ABI1: variants seen among roughly 807,000 people sequenced by gnomAD.
ABI1 encodes the protein abl interactor 1.
Under a neutral mutation model 54.6 loss-of-function variants are expected in ABI1, and 14 were observed. The ratio of observed to expected loss-of-function variants is 0.26; its 90% confidence interval spans 0.17 to 0.40. The LOEUF (loss-of-function observed/expected upper bound fraction) is 0.40. Among genes scored for constraint, ABI1 ranks in the 10% least tolerant of loss-of-function variants. The pLI, the probability that ABI1 is intolerant of heterozygous loss-of-function variation, is 1.00. For missense variants in ABI1, 443 were observed against 598.3 expected (o/e 0.74, Z 2.71); for synonymous variants, 194 against 209.3 (o/e 0.93, Z 0.63).
chr10:26,817,817 C>T (rs1430051348), intron 2 of ABI1, among the ~76,000 whole-genome samples: 1 of 152,088 alleles, frequency 6.6e-6, no homozygotes, highest in Non-Finnish European at 1.5e-5. Context: ...ACACTTCATG[C>T]TAAAGTATTC....
chr10:26,782,721 CAAAA>C (rs60447736), intron 2 of ABI1, among the ~76,000 whole-genome samples: 4 of 112,522 alleles, frequency 3.6e-5, no homozygotes, highest in Non-Finnish European at 3.9e-5. Context: ...GACTCTGTCT[CAAAA>C]AAAAAAAAAA....
chr10:26,841,950 A>G (rs538855048), intron 1 of ABI1, among the ~76,000 whole-genome samples: 1 of 151,214 alleles, frequency 6.6e-6, no homozygotes, highest in African/African-American at 2.4e-5. Flanking sequence ...TATATGCCCG[A>G]TAAGGAATTG....
intron 8 of ABI1, among the ~76,000 whole-genome samples, chr10:26,756,630 A>AT (rs758112258): frequency 2.0e-5 from 3 of 152,206 alleles, no homozygotes; most frequent in Non-Finnish European, 4.4e-5. Flanking sequence ...ATTAAAAATT[A>AT]TAACATACAC....
intron 7 of ABI1, among the ~76,000 whole-genome samples, chr10:26,762,691 T>A (rs1839395410): frequency 6.6e-6 from 1 of 152,174 alleles, no homozygotes; most frequent in Non-Finnish European, 1.5e-5. Flanking sequence ...TACCGTATAG[T>A]TATAACAGAA....
At chr10:26,850,372 G>A (rs1481917028) in intron 1 of ABI1, among the ~76,000 whole-genome samples, 2 of 152,054 alleles carry the variant, frequency 1.3e-5, no homozygotes, top group African/African-American at 2.4e-5. Context: ...CCTAAAAAAC[G>A]TTCTCGGCCA....
intron 2 of ABI1, among the ~76,000 whole-genome samples, chr10:26,797,456 T>G (rs1023516449): frequency 1.3e-5 from 2 of 152,214 alleles, no homozygotes; most frequent in Non-Finnish European, 2.9e-5. Flanking sequence ...AGGTAGTATG[T>G]GACTGGTTTT....
intron 7 of ABI1, among the ~76,000 whole-genome samples, chr10:26,761,617 C>CAT (rs1164854399): frequency 0.058 from 2,861 of 49,554 alleles, 88 homozygotes; most frequent in Non-Finnish European, 0.066. Context: ...TAGTTTTTGT[C>CAT]ATATATATAT....
rs1473630872 is a variant in ABI1 at position 26,765,120 on chromosome 10, TTAA to T, written c.820+95_820+97del. On this transcript the variant is annotated intron_variant, in intron 7 of 10. Coordinates refer to ENST00000376140, the MANE Select transcript of ABI1 (RefSeq NM_001012750.3). ...ATTCTAGCAACGATCACAAATTTAA[TTAA>T]TAATTTTACTCAATATGACTAATTT... 3.6e-6 allele frequency: 3 copies of T among 828,006 alleles called. No homozygotes were observed. In the African/African-American group the frequency reaches 5.4e-5, roughly 15 times the overall value. 51.3% of individuals were successfully genotyped at this position (828,006 alleles called of 1,614,324 possible).
At chr10:26,775,105 C>G (rs986296376) in intron 3 of ABI1, among the ~76,000 whole-genome samples, 7 of 152,114 alleles carry the variant, frequency 4.6e-5, no homozygotes, top group Non-Finnish European at 1.0e-4. Context: ...TAATTTTGGC[C>G]TGGCATGTGT....
chr10:26,859,723 T>C (rs1288546054), intron 1 of ABI1, among the ~76,000 whole-genome samples: 1 of 152,230 alleles, frequency 6.6e-6, no homozygotes, highest in Non-Finnish European at 1.5e-5. Context: ...GTTCAGAGGC[T>C]ACCTCTGTTC....
chr10:26,801,253 TAC>T (rs1013589696), intron 2 of ABI1, among the ~76,000 whole-genome samples: 3 of 151,752 alleles, frequency 2.0e-5, no homozygotes, highest in African/African-American at 7.3e-5. Flanking sequence ...TTCTAGAAAA[TAC>T]ACACCATCGT....
chr10:26,774,225 T>C (rs1841100187), intron 3 of ABI1, among the ~76,000 whole-genome samples: 1 of 152,228 alleles, frequency 6.6e-6, no homozygotes, highest in Admixed American at 6.5e-5. Flanking sequence ...TGTATTATTT[T>C]TTACTCTTGT....
rs577436524 is a variant in ABI1, at chr10:26,780,736, T to C, written c.286-3495A>G. ...ACACACCTGGGTAGGCTACATAACT[T>C]TGGGGAGAGCACAGACTCAACATTT... On this transcript the variant is annotated intron_variant, in intron 2 of 10. Transcript: ENST00000376140. 5.3e-5 allele frequency among the ~76,000 whole-genome samples: 8 copies of C among 152,072 alleles called. No homozygotes were observed. In the East Asian group the frequency reaches 1.4e-3, roughly 26 times the overall value.
At chr10:26,856,385 A>G (rs1380411014) in intron 1 of ABI1, among the ~76,000 whole-genome samples, 1 of 134,232 alleles carries the variant, frequency 7.4e-6, no homozygotes, top group Non-Finnish European at 1.6e-5. Context: ...ACTGAACTTT[A>G]GGTTGGGTAT....
intron 1 of ABI1, among the ~76,000 whole-genome samples, chr10:26,826,046 T>A (rs1175481974): frequency 1.3e-5 from 2 of 152,228 alleles, no homozygotes; most frequent in East Asian, 3.8e-4. Context: ...CCTCCTCCCA[T>A]GAATTACTAA....
chr10:26,759,372 G>C (rs147412330), intron 7 of ABI1, 134 bp from the exon 8 acceptor site: 1 of 617,080 alleles, frequency 1.6e-6, no homozygotes, highest in Non-Finnish European at 2.5e-6. Flanking sequence ...ACAAAATAAA[G>C]AGAAAAGTAA....
intron 2 of ABI1, among the ~76,000 whole-genome samples, chr10:26,796,140 G>A (rs116181935): frequency 2.5e-3 from 385 of 151,490 alleles, no homozygotes; most frequent in African/African-American, 8.6e-3. Flanking sequence ...ATGAAACAGT[G>A]GTTACCATGG....
rs182547164 is a variant in ABI1, at chr10:26,788,050, G to A, written c.286-10809C>T. On this transcript the variant is annotated intron_variant, in intron 2 of 10. Transcript: ENST00000376140. The stretch of plus-strand genomic sequence containing the variant: ...TGAATTGTACTCCCATAATTCTCAC[G>A]TGTTGTGGGAGGGACATAGTGGGAG... Among the ~76,000 whole-genome samples, 55 of 152,264 alleles carry A rather than the reference G, an allele frequency of 3.6e-4. No individual in the cohort carries two copies. The South Asian group carries it at 9.9e-3, about 28-fold the overall frequency.
intron 1 of ABI1, among the ~76,000 whole-genome samples, chr10:26,858,947 C>T (rs1369670764): frequency 1.3e-5 from 2 of 152,094 alleles, no homozygotes; most frequent in Non-Finnish European, 2.9e-5. Context: ...TTCTGGAAAG[C>T]GAGAAATTAA....
Sources: gnomAD v4.1 joint callset for allele counts (sites outside exome capture counted in the v4.1 genomes callset) on GRCh38, gnomAD v4.1.1 for gene constraint, MANE v1.5 for transcripts, NCBI Gene and HGNC (gene_info 2026-07-23, HGNC 2026-07-21) for gene names.